Variants in TMCO4 observed in about 807,000 individuals in gnomAD.
TMCO4 encodes transmembrane and coiled-coil domain-containing protein 4.
TMCO4 carries 58 observed loss-of-function variants against 64.7 expected under a neutral mutation model. The ratio of observed to expected loss-of-function variants is 0.90; its 90% confidence interval spans 0.73 to 1.12. The LOEUF (loss-of-function observed/expected upper bound fraction) is 1.12, where lower values mean the gene tolerates loss of function less well. Ranked by LOEUF, TMCO4 falls within the 50% of genes most tolerant of loss-of-function variation. The pLI is 0.00. For synonymous variants in TMCO4, 325 were observed against 346.1 expected (o/e 0.94, Z 0.68); for missense variants, 780 against 825.9 (o/e 0.94, Z 0.68).
At chr1:19,722,467 G>T (rs900279080) in intron 13 of TMCO4, among the ~76,000 whole-genome samples, 1 of 152,170 alleles carries the variant, frequency 6.6e-6, no homozygotes, top group South Asian at 2.1e-4. Flanking sequence ...TCCTTAAGAG[G>T]TGGGTATCGT....
intron 4 of TMCO4, among the ~76,000 whole-genome samples, chr1:19,776,914 C>T (rs1194494754): frequency 1.3e-5 from 2 of 150,716 alleles, no homozygotes; most frequent in Admixed American, 1.3e-4. Flanking sequence ...GTAATCCCAG[C>T]TATTCAAGAA....
intron 4 of TMCO4, among the ~76,000 whole-genome samples, chr1:19,778,242 TTATATTTATTTA>T (rs1456507513): frequency 7.0e-6 from 1 of 142,818 alleles, no homozygotes; most frequent in Non-Finnish European, 1.5e-5. Flanking sequence ...ATCTCATTAT[TTATATTTATTTA>T]TTTATTTATT....
intron 6 of TMCO4, among the ~76,000 whole-genome samples, chr1:19,763,168 A>C (rs1163012578): frequency 6.6e-6 from 1 of 151,654 alleles, no homozygotes; most frequent in Non-Finnish European, 1.5e-5. Flanking sequence ...CTCCGTCTCC[A>C]GGGTTCAAGC....
chr1:19,708,803 A>G (rs1295163377), intron 13 of TMCO4, among the ~76,000 whole-genome samples: 1 of 152,222 alleles, frequency 6.6e-6, no homozygotes, highest in Non-Finnish European at 1.5e-5. Context: ...CGCTGTCAGT[A>G]AAGAGATTCT....
At chr1:19,747,298 C>G (rs756746691) in intron 7 of TMCO4, 38 bp from the exon 8 acceptor site, 1 of 1,570,972 alleles carries the variant, frequency 6.4e-7, no homozygotes, top group Admixed American at 1.7e-5. Flanking sequence ...GCCAGCTGTG[C>G]CCAGGATCCC....
intron 6 of TMCO4, among the ~76,000 whole-genome samples, chr1:19,765,764 G>A (rs80251264): frequency 0.016 from 2,364 of 151,788 alleles, 65 homozygotes; most frequent in African/African-American, 0.054. Flanking sequence ...GGCACCGTTC[G>A]GTGACTAACA....
chr1:19,689,342 C>G (rs1010143531), intron 15 of TMCO4, among the ~76,000 whole-genome samples: 2 of 152,192 alleles, frequency 1.3e-5, no homozygotes, highest in African/African-American at 4.8e-5. Context: ...GAAGCTGCCA[C>G]GAAGACAGCC....
At chr1:19,783,621 G>A (rs933493692) in intron 3 of TMCO4, among the ~76,000 whole-genome samples, 6 of 152,206 alleles carry the variant, frequency 3.9e-5, no homozygotes, top group African/African-American at 1.4e-4. Context: ...TAACTACCAT[G>A]TAAAGTTAAG....
At chr1:19,797,873 AAG>A (rs1557642825) in intron 2 of TMCO4, among the ~76,000 whole-genome samples, 2 of 135,516 alleles carry the variant, frequency 1.5e-5, no homozygotes, top group East Asian at 2.2e-4. Flanking sequence ...AAAAAAAAAA[AAG>A]AGAGAAGAAA....
At position 19,734,117 on chromosome 1, in the gene TMCO4, A is replaced by G. The variant is rs894209592; in HGVS notation, c.1264+3255T>C. On this transcript the variant is annotated intron_variant, in intron 13 of 15. Transcript: ENST00000294543. The surrounding 1 kb of genome is among the most constrained non-coding windows in gnomAD (Gnocchi z 4.4). Reference sequence around the variant, plus strand: ...TTCCAGACACAGTGAGACCTGAGAAATGAGTAGGAATTATCTAGAAAAGGA... The same window carrying G: ...TTCCAGACACAGTGAGACCTGAGAAGTGAGTAGGAATTATCTAGAAAAGGA... Among the ~76,000 whole-genome samples, 2 of 152,116 alleles carry G rather than the reference A, an allele frequency of 1.3e-5. No homozygotes were observed. Among genetic ancestry groups the G allele is most frequent in the African/African-American group, 2.4e-5 (1 of 41,416 alleles).
At chr1:19,772,641 G>A (rs2101031427) in intron 4 of TMCO4, among the ~76,000 whole-genome samples, 2 of 152,286 alleles carry the variant, frequency 1.3e-5, no homozygotes, top group Admixed American at 1.3e-4. Flanking sequence ...CCGGGAAAGG[G>A]CTGACACCCA....
chr1:19,709,040 TAG>T (rs2095316683), intron 13 of TMCO4, among the ~76,000 whole-genome samples: 1 of 151,698 alleles, frequency 6.6e-6, no homozygotes, highest in African/African-American at 2.4e-5. Flanking sequence ...GATAGACACG[TAG>T]AGAGAGGCCA....
intron 6 of TMCO4, among the ~76,000 whole-genome samples, chr1:19,761,913 C>T (rs1176424248): frequency 6.6e-6 from 1 of 152,230 alleles, no homozygotes; most frequent in Non-Finnish European, 1.5e-5. Flanking sequence ...GGGAACCCGG[C>T]ATCCCTGGCC....
At chr1:19,710,882 G>T (rs573657945) in intron 13 of TMCO4, among the ~76,000 whole-genome samples, 86 of 152,330 alleles carry the variant, frequency 5.6e-4, no homozygotes, top group African/African-American at 1.9e-3. Flanking sequence ...AGAGCATGTG[G>T]CCTTTTGCTT....
chr1:19,757,376 G>A (rs1427859423), intron 6 of TMCO4, among the ~76,000 whole-genome samples: 1 of 152,094 alleles, frequency 6.6e-6, no homozygotes, highest in African/African-American at 2.4e-5. Context: ...TGCTCCCATG[G>A]TCACATGTCC....
At chr1:19,795,226 T>C (rs953123331) in intron 2 of TMCO4, among the ~76,000 whole-genome samples, 5 of 151,446 alleles carry the variant, frequency 3.3e-5, no homozygotes, top group African/African-American at 9.7e-5. Flanking sequence ...ATCCCAGCAC[T>C]CTGGGAGGCT....
At chr1:19,711,284 C>G (rs1467979314) in intron 13 of TMCO4, among the ~76,000 whole-genome samples, 1 of 152,228 alleles carries the variant, frequency 6.6e-6, no homozygotes, top group Non-Finnish European at 1.5e-5. Flanking sequence ...ACTCTGAGAT[C>G]ACTGGAGCAG....
Position 19,734,257 on chromosome 1 carries a change from C to G in TMCO4, c.1264+3115G>C, listed in dbSNP as rs560181802. On this transcript the variant is annotated intron_variant, in intron 13 of 15. Transcript: ENST00000294543. This position sits in a 1 kb window ranked among gnomAD's most constrained non-coding sequence, Gnocchi z 4.4. Reference sequence around the variant, plus strand: ...TGCTGAAGGCAGATCATGAGTGGGGCCCTGTGAGTCATGCTGGGACATCCA... The same window carrying G: ...TGCTGAAGGCAGATCATGAGTGGGGGCCTGTGAGTCATGCTGGGACATCCA... Among the ~76,000 whole-genome samples the G allele has an allele frequency of 1.5e-3, 227 of 152,142 alleles. 1 individual carries two copies. Among genetic ancestry groups the G allele is most frequent in the African/African-American group, 5.0e-3 (208 of 41,496 alleles).
rs749125951 is a variant in TMCO4 at position 19,780,696 on chromosome 1, A to G, written c.63T>C (p.Thr21=). 17 of 1,613,422 alleles carry G rather than the reference A, an allele frequency of 1.1e-5. No individual in the cohort carries two copies. Among genetic ancestry groups the G allele is most frequent in the African/African-American group, 1.3e-5 (1 of 74,896 alleles). ...TGGGCAGGTGTGGCTCCCCCTCTGC[A>G]GTGGGCTCAGCTACCAGAGGCTGCT... is the stretch of plus-strand genomic sequence containing the variant. The part of the protein sequence containing the change: ...LPQQPLVAEP[T]AEGEPHLPTG... Residue 21 remains threonine, a synonymous_variant, in exon 4 of 16, where the codon ACT becomes ACC. Transcript: ENST00000294543.
Sources: gnomAD v4.1 joint callset for allele counts (sites outside exome capture counted in the v4.1 genomes callset) on GRCh38, gnomAD v4.1.1 for gene constraint, Gnocchi (gnomAD v3.1) non-coding constraint, MANE v1.5 for transcripts, NCBI Gene and HGNC (gene_info 2026-07-23, HGNC 2026-07-21) for gene names.